Variants in NRG1 observed in about 807,000 individuals in gnomAD.
NRG1 encodes pro-neuregulin-1, membrane-bound isoform.
In NRG1, 18 loss-of-function variants were observed where a neutral mutation model predicts 63.8. The observed-to-expected ratio is 0.28, with a 90% CI of 0.19 to 0.42. The LOEUF (loss-of-function observed/expected upper bound fraction) is 0.42. Among genes scored for constraint, NRG1 ranks in the 10% least tolerant of loss-of-function variants. NRG1 has a pLI of 1.00. For missense variants in NRG1, 762 were observed against 814.7 expected, an observed-to-expected ratio of 0.94 and a Z score of 0.79; for synonymous variants, 302 against 301.3, an observed-to-expected ratio of 1.00 and a Z score of -0.02.
intron 1 of NRG1, among the ~76,000 whole-genome samples, chr8:32,170,782 T>C (rs951014709): frequency 6.6e-6 from 1 of 152,236 alleles, no homozygotes; most frequent in Non-Finnish European, 1.5e-5. Flanking sequence ...TAGAGACATT[T>C]ATCAATCCAC....
intron 8 of NRG1, 114 bp downstream of exon 8, chr8:32,754,588 G>A: frequency 1.1e-6 from 1 of 892,174 alleles, no homozygotes; most frequent in Non-Finnish European, 1.8e-6. Context: ...AAAAAAAAAG[G>A]AGGGGCAGGG....
intron 7 of NRG1, chr8:32,749,710 C>G: frequency 1.2e-6 from 1 of 838,178 alleles, no homozygotes; most frequent in Non-Finnish European, 1.9e-6. Flanking sequence ...AGGGATCATA[C>G]AGCTATAACA....
intron 6 of NRG1, among the ~76,000 whole-genome samples, chr8:32,740,759 T>A (rs1374504202): frequency 6.6e-6 from 1 of 152,134 alleles, no homozygotes; most frequent in Non-Finnish European, 1.5e-5. Context: ...CTTGGTGAAT[T>A]GGTTTGAAGG....
At chr8:31,776,927 G>A (rs920725260) in intron 1 of NRG1, among the ~76,000 whole-genome samples, 1 of 152,140 alleles carries the variant, frequency 6.6e-6, no homozygotes, top group Non-Finnish European at 1.5e-5. Context: ...GGAGAAATAG[G>A]AACACTTTTA....
At chr8:31,993,655 G>C (rs1811450090) in intron 1 of NRG1, among the ~76,000 whole-genome samples, 1 of 151,954 alleles carries the variant, frequency 6.6e-6, no homozygotes, top group African/African-American at 2.4e-5. Context: ...AGTCCATTAA[G>C]TCTCTTTCCT....
intron 1 of NRG1, among the ~76,000 whole-genome samples, chr8:31,785,228 A>G (rs1820058459): frequency 6.6e-6 from 1 of 152,206 alleles, no homozygotes; most frequent in Non-Finnish European, 1.5e-5. Flanking sequence ...TGTAATTCAG[A>G]AGTGCACACA....
rs142073594 is a variant in NRG1, at chr8:31,860,810, T to C, written c.37+221379T>C. On this transcript the variant is annotated intron_variant, in intron 1 of 10. Transcript: ENST00000519301. ...CTCAGAGTCCCATTTCAACTTATTT[T>C]AATAGTTACTTCCTGCATATCTGTG... 9.8e-5 allele frequency among the ~76,000 whole-genome samples: 15 copies of C among 152,368 alleles called. No homozygotes were observed. In the East Asian group the frequency reaches 2.3e-3, roughly 23 times the overall value.
rs543141615 is a variant in NRG1 at position 32,738,963 on chromosome 8, G to A, written c.633-3712G>A. Among the ~76,000 whole-genome samples, 59 of 152,198 alleles carry A rather than the reference G, an allele frequency of 3.9e-4. 1 individual carries two copies. Among genetic ancestry groups the A allele is most frequent in the African/African-American group, 1.3e-3 (52 of 41,546 alleles). ...TTTTTAGAAGTCATTGAGTTCTGTC[G>A]TCCCTGACTGGTAATGCATTCAGAA... is the stretch of plus-strand genomic sequence containing the variant. On this transcript the variant is annotated intron_variant, in intron 6 of 11. Coordinates refer to ENST00000356819, the Ensembl canonical transcript of NRG1.
chr8:32,069,966 G>T (rs550917674), intron 1 of NRG1, among the ~76,000 whole-genome samples: 81 of 152,264 alleles, frequency 5.3e-4, no homozygotes, highest in African/African-American at 1.6e-3. Context: ...TTCATCCTCG[G>T]TAGAGAGTCC....
At chr8:32,193,754 G>A (rs1162729516) in intron 1 of NRG1, among the ~76,000 whole-genome samples, 1 of 152,190 alleles carries the variant, frequency 6.6e-6, no homozygotes, top group Non-Finnish European at 1.5e-5. Flanking sequence ...AAGTTAAAAT[G>A]AAGTTGTTTG....
At chr8:31,879,619 T>C (rs1830192010) in intron 1 of NRG1, among the ~76,000 whole-genome samples, 1 of 152,106 alleles carries the variant, frequency 6.6e-6, no homozygotes. Flanking sequence ...GATAAACACG[T>C]CATGGGGGTT....
At chr8:31,766,825 G>A (rs1304133553) in intron 1 of NRG1, among the ~76,000 whole-genome samples, 2 of 152,056 alleles carry the variant, frequency 1.3e-5, no homozygotes. Context: ...TACTGAGTAC[G>A]AGATTACCAC....
chr8:31,677,570 C>G (rs1211550850), intron 1 of NRG1, among the ~76,000 whole-genome samples: 1 of 152,112 alleles, frequency 6.6e-6, no homozygotes, highest in East Asian at 1.9e-4. Context: ...CATGCCATTG[C>G]ACTCCAGCCT....
At chr8:32,541,828 G>A (rs1832604110) in intron 1 of NRG1, among the ~76,000 whole-genome samples, 1 of 152,038 alleles carries the variant, frequency 6.6e-6, no homozygotes, top group Non-Finnish European at 1.5e-5. Flanking sequence ...ATGGATGATG[G>A]GAATATAGTA....
chr8:31,762,110 CAG>C (rs1817622575), intron 1 of NRG1, among the ~76,000 whole-genome samples: 1 of 152,092 alleles, frequency 6.6e-6, no homozygotes, highest in Non-Finnish European at 1.5e-5. Context: ...TCTAAAAAAA[CAG>C]GGTACATGTG....
In NRG1 at chr8:32,020,570, T is replaced by A. The variant is rs569065031; in HGVS notation, c.37+381139T>A. Among the ~76,000 whole-genome samples, 83 of 152,332 alleles carry A rather than the reference T, an allele frequency of 5.4e-4. 1 individual carries two copies. Among genetic ancestry groups the A allele is most frequent in the African/African-American group, 1.8e-3 (76 of 41,594 alleles). ...CCCACCATCAGAAATGCACTCAGTCTATGGTATCATGTTATTAATTCTCTA... is the reference window on the plus strand; with the variant it reads ...CCCACCATCAGAAATGCACTCAGTCAATGGTATCATGTTATTAATTCTCTA... On this transcript the variant is annotated intron_variant, in intron 1 of 10. Transcript: ENST00000519301.
chr8:32,289,315 A>G (rs933303560), intron 1 of NRG1, among the ~76,000 whole-genome samples: 24 of 152,110 alleles, frequency 1.6e-4, no homozygotes, highest in African/African-American at 5.8e-4. Context: ...TTGCTGTCCT[A>G]CAGAGCAAGG....
intron 1 of NRG1, among the ~76,000 whole-genome samples, chr8:32,569,162 G>A (rs1838039791): frequency 6.6e-6 from 1 of 152,062 alleles, no homozygotes; most frequent in East Asian, 1.9e-4. Context: ...CAATTCTCCT[G>A]CCTCAGGCTC....
chr8:32,184,095 TG>T (rs1468649664), intron 1 of NRG1, among the ~76,000 whole-genome samples: 1 of 151,614 alleles, frequency 6.6e-6, no homozygotes, highest in Admixed American at 6.6e-5. Flanking sequence ...TATGTATGTG[TG>T]TGTGTGTGTA....
Sources: allele counts gnomAD v4.1 joint callset (sites outside exome capture counted in the v4.1 genomes callset), GRCh38; gene constraint gnomAD v4.1.1; transcripts MANE v1.5; gene names NCBI Gene and HGNC (gene_info 2026-07-23, HGNC 2026-07-21).